The following USP34 variants were observed in gnomAD, a reference collection of about 807,000 sequenced individuals.
USP34 encodes ubiquitin specific peptidase 34, also known as ubiquitin carboxyl-terminal hydrolase 34.
Under a neutral mutation model 460.3 loss-of-function variants are expected in USP34, and 70 were observed. The observed-to-expected ratio is 0.15, with a 90% CI of 0.13 to 0.19. The LOEUF is 0.19. Among genes scored for constraint, USP34 ranks in the 10% least tolerant of loss-of-function variants. The pLI is 1.00. For missense variants in USP34, 3,985 were observed against 4,236.2 expected, an observed-to-expected ratio of 0.94 and a Z score of 1.65; for synonymous variants, 1,647 against 1,405.3, an observed-to-expected ratio of 1.17 and a Z score of -3.85.
At chr2:61,248,789 A>T in intron 48 of USP34, 106 bp from the exon 49 acceptor site, 1 of 1,103,740 alleles carries the variant, frequency 9.1e-7, no homozygotes, top group African/African-American at 1.6e-5. Flanking sequence ...CAGAGTTAAG[A>T]AGTATAGTAG....
chr2:61,236,342 A>G lies in USP34; in HGVS notation c.6825T>C (p.Phe2275=). The change falls in exon 54 of 80, where the codon TTT becomes TTC. Residue 2275 remains phenylalanine, a synonymous_variant. Transcript: ENST00000398571. ...NMQFLQDKNI[F]EHTYFGFMWQ... is the part of the protein sequence containing the mutation. Reference sequence around the variant, plus strand: ...AAACTTACCCAAAATATGTATGTTCAAAAATGTTTTTGTCTTGAAGAAACT... The same window carrying G: ...AAACTTACCCAAAATATGTATGTTCGAAAATGTTTTTGTCTTGAAGAAACT... 2 of 1,605,008 alleles carry G rather than the reference A, an allele frequency of 1.2e-6. No homozygotes were observed. The highest frequency in any genetic ancestry group is 1.7e-6 in the Non-Finnish European group (2 of 1,176,752).
At chr2:61,460,633 G>T (rs1019798612) in intron 1 of USP34, among the ~76,000 whole-genome samples, 2 of 124,988 alleles carry the variant, frequency 1.6e-5, no homozygotes, top group Admixed American at 8.3e-5. Context: ...GATAAGGGGG[G>T]AATACTGTAT....
At position 61,266,013 on chromosome 2, in the gene USP34, T is replaced by C. The variant is rs1383362040; in HGVS notation, c.5588A>G (p.His1863Arg). 1.9e-6 allele frequency: 3 copies of C among 1,611,058 alleles called. No homozygotes were observed. The highest frequency in any genetic ancestry group is 2.5e-6 in the Non-Finnish European group (3 of 1,177,772). Residue 1863 changes from histidine to arginine, a missense_variant, in exon 42 of 80, where the codon CAC becomes CGC. By Grantham distance (29) the His-to-Arg change is conservative (BLOSUM62 0). This residue lies in a region of USP34 where 1,114 missense variants were observed against 1,122.5 expected (regional missense o/e 0.99). Transcript: ENST00000398571. ...KGSVENYRLIHNWVMAQHMQS... is the reference protein window; with the variant it reads ...KGSVENYRLIRNWVMAQHMQS... The stretch of plus-strand genomic sequence containing the variant: ...CATGTGTTGTGCCATAACCCAGTTG[T>C]GTATTAGCCTGTAGTTCTCAACAGA...
At chr2:61,457,712 C>T (rs985286458) in intron 1 of USP34, among the ~76,000 whole-genome samples, 1 of 151,974 alleles carries the variant, frequency 6.6e-6, no homozygotes, top group Non-Finnish European at 1.5e-5. Context: ...AATAAGCAAG[C>T]AAGTTGGGTG....
At chr2:61,326,098 CAGAA>C (rs1030041850) in intron 20 of USP34, among the ~76,000 whole-genome samples, 5 of 151,734 alleles carry the variant, frequency 3.3e-5, no homozygotes, top group Non-Finnish European at 7.4e-5. Flanking sequence ...GCCCCAAAGT[CAGAA>C]AGAAGAGATA....
In USP34 at chr2:61,349,259, G is replaced by A. The variant is rs751433471; in HGVS notation, c.1534C>T (p.Pro512Ser). Residue 512 changes from proline to serine, a missense_variant, in exon 13 of 80, where the codon CCA becomes TCA. This residue lies in a region of USP34 where 716 missense variants were observed against 626.2 expected (regional missense o/e 1.14). Coordinates refer to ENST00000398571, the MANE Select transcript of USP34 (RefSeq NM_014709.4). ...KEEEELRRTA[P>S]SPWSPAASPQ... ...CTAAGGCTCAACTTACAAGGTGATG[G>A]AGCTGTTCTTCTAAGCTCTTCTTCC... 1.3e-5 allele frequency: 21 copies of A among 1,613,410 alleles called. No individual in the cohort carries two copies. The highest frequency in any genetic ancestry group is 4.4e-5 in the South Asian group (4 of 90,906).
Position 61,260,481 on chromosome 2 carries a change from C to T in USP34, c.5779-705G>A, listed in dbSNP as rs891881502. Among the ~76,000 whole-genome samples the T allele has an allele frequency of 8.5e-5, 13 of 152,212 alleles. No homozygotes were observed. In the East Asian group the frequency reaches 1.5e-3, roughly 18 times the overall value. The stretch of plus-strand genomic sequence containing the variant: ...TTTGAAAGTCTTGTGGAATAATAGG[C>T]GTCCACAAGCTAAGAGTATACATTA... On this transcript the variant is annotated intron_variant, in intron 43 of 79. Coordinates refer to ENST00000398571, the MANE Select transcript of USP34 (RefSeq NM_014709.4).
At position 61,350,294 on chromosome 2, in the gene USP34, T is replaced by C. The variant is rs1691907295; in HGVS notation, c.1473A>G (p.Leu491=). 6.2e-7 allele frequency: 1 copy of C among 1,611,780 alleles called. No individual in the cohort carries two copies. The highest frequency in any genetic ancestry group is 8.5e-7 in the Non-Finnish European group (1 of 1,178,724). ...QLSKQSSFAS[L]LNTNIPIGNK... ...TTCCAATGGGAATATTAGTATTTAATAAAGATGCAAAAGAACTCTGTTTAG... is the reference window on the plus strand; with the variant it reads ...TTCCAATGGGAATATTAGTATTTAACAAAGATGCAAAAGAACTCTGTTTAG... Residue 491 remains leucine (L), a synonymous_variant, in exon 12 of 80, where the codon TTA becomes TTG. Transcript: ENST00000398571.
At chr2:61,396,041 A>C (rs1693513388) in intron 3 of USP34, among the ~76,000 whole-genome samples, 2 of 151,260 alleles carry the variant, frequency 1.3e-5, no homozygotes, top group Non-Finnish European at 2.9e-5. Context: ...TGGGTGACAG[A>C]GCAAAACTGT....
chr2:61,378,185 G>C (rs1692851812), intron 8 of USP34, among the ~76,000 whole-genome samples, 178 bp downstream of exon 8: 1 of 152,232 alleles, frequency 6.6e-6, no homozygotes, highest in East Asian at 1.9e-4. Context: ...AAAAAAGAGG[G>C]AGAGTGAGTT....
chr2:61,226,250 T>C (rs1687722734), intron 62 of USP34, among the ~76,000 whole-genome samples: 2 of 152,234 alleles, frequency 1.3e-5, no homozygotes, highest in Admixed American at 6.5e-5. Context: ...AGGCAAATTG[T>C]TGCCTTGTTT....
chr2:61,365,807 T>A (rs974432531), intron 10 of USP34, among the ~76,000 whole-genome samples: 1 of 152,286 alleles, frequency 6.6e-6, no homozygotes, highest in South Asian at 2.1e-4. Context: ...GAGAAAATTG[T>A]TGAATTTCAT....
chr2:61,407,355 T>C (rs768589743), intron 2 of USP34, among the ~76,000 whole-genome samples: 25 of 152,034 alleles, frequency 1.6e-4, no homozygotes, highest in Non-Finnish European at 3.4e-4. Context: ...AGCAAAACCA[T>C]GTCTCAAAAA....
chr2:61,364,106 T>C (rs909503178), intron 10 of USP34, among the ~76,000 whole-genome samples: 4 of 152,212 alleles, frequency 2.6e-5, no homozygotes, highest in African/African-American at 7.2e-5. Context: ...CTGAGCATGG[T>C]GGCTCACACC....
chr2:61,241,205 G>T lies in USP34; in HGVS notation c.6777+355C>A, dbSNP rs371729913. Among the ~76,000 whole-genome samples the T allele has an allele frequency of 3.9e-4, 59 of 151,928 alleles. 1 individual carries two copies. The South Asian group carries it at 0.011, about 28-fold the overall frequency. On this transcript the variant is annotated intron_variant, in intron 53 of 79. Coordinates refer to ENST00000398571, the MANE Select transcript of USP34 (RefSeq NM_014709.4). ...ATTACAGGCGCCCACCACCACGCTC[G>T]GCTACTTTTTGTATTTTTTAGGAGA...
At chr2:61,229,474 AAC>A (rs71398609) in intron 59 of USP34, 72 bp downstream of exon 59, 109 of 518,528 alleles carry the variant, frequency 2.1e-4, no homozygotes, top group African/African-American at 1.1e-3. Context: ...AAAAAAAAAA[AAC>A]AAAAAAAAAA....
chr2:61,390,902 C>T (rs894437559), intron 5 of USP34, among the ~76,000 whole-genome samples: 25 of 151,756 alleles, frequency 1.6e-4, no homozygotes, highest in African/African-American at 6.1e-4. Flanking sequence ...TGAGACCATC[C>T]TGGCCAACAT....
chr2:61,234,472 G>T (rs1222492650), intron 57 of USP34, among the ~76,000 whole-genome samples: 27 of 152,156 alleles, frequency 1.8e-4, no homozygotes. Context: ...CTGATCTACT[G>T]AGACAGGTGG....
intron 69 of USP34, among the ~76,000 whole-genome samples, chr2:61,210,845 G>C (rs1416338052): frequency 6.6e-6 from 1 of 151,924 alleles, no homozygotes; most frequent in African/African-American, 2.4e-5. Flanking sequence ...CGAGGAGCTG[G>C]GACTACAGGT....
Sources: gnomAD v4.1 joint callset for allele counts (sites outside exome capture counted in the v4.1 genomes callset) on GRCh38, gnomAD v4.1.1 for gene constraint, gnomAD v4.1.1 regional missense constraint, MANE v1.5 for transcripts, NCBI Gene and HGNC (gene_info 2026-07-23, HGNC 2026-07-21) for gene names.